The following SLC37A1 variants were observed in gnomAD, a reference collection of about 807,000 sequenced individuals.
SLC37A1 encodes the protein glucose-6-phosphate exchanger SLC37A1.
Under a neutral mutation model 75.3 loss-of-function variants are expected in SLC37A1, and 49 were observed. The ratio of observed to expected loss-of-function variants is 0.65; its 90% CI spans 0.52 to 0.83. SLC37A1 has a LOEUF of 0.83. SLC37A1 is among the 40% of genes least tolerant of loss of function. SLC37A1 has a pLI of 0.00. For synonymous variants in SLC37A1, 268 were observed against 292.1 expected, an observed-to-expected ratio of 0.92 and a Z score of 0.84; for missense variants, 566 against 695.0, an observed-to-expected ratio of 0.81 and a Z score of 2.09.
chr21:42,580,555 T>G lies in SLC37A1; in HGVS notation c.*195T>G, dbSNP rs2147084884. The G allele has an allele frequency of 1.6e-6, 1 of 623,684 alleles. No homozygotes were observed. Among genetic ancestry groups the G allele is most frequent in the East Asian group, 2.9e-5 (1 of 34,462 alleles). 38.6% of individuals were successfully genotyped at this position (623,684 alleles called of 1,614,324 possible). On this transcript the variant is annotated 3_prime_UTR_variant, in exon 20 of 20. Coordinates refer to ENST00000352133, the MANE Select transcript of SLC37A1 (RefSeq NM_001320537.2). ...AAGGAGACATATTGCTGAACAGCAGTGAGAAAAGTCTGCAGGAACTGCTGC... is the reference window on the plus strand; with the variant it reads ...AAGGAGACATATTGCTGAACAGCAGGGAGAAAAGTCTGCAGGAACTGCTGC...
chr21:42,510,805 A>C (rs1019463084), upstream of SLC37A1, among the ~76,000 whole-genome samples: 3 of 152,246 alleles, frequency 2.0e-5, no homozygotes, highest in African/African-American at 7.2e-5. Context: ...CATCAAGAGG[A>C]TATAACAATT....
intron 2 of SLC37A1, among the ~76,000 whole-genome samples, chr21:42,505,968 A>C (rs1365488631): frequency 4.6e-5 from 7 of 152,336 alleles, no homozygotes; most frequent in Middle Eastern, 3.4e-3. Flanking sequence ...GAGGAGAAGA[A>C]ACTGGAGCAC....
intron 2 of SLC37A1, among the ~76,000 whole-genome samples, chr21:42,506,715 A>G (rs1335034240): frequency 6.6e-6 from 1 of 152,164 alleles, no homozygotes; most frequent in Non-Finnish European, 1.5e-5. Context: ...TGACTTTCAC[A>G]GGGTCCCAAA....
chr21:42,537,097 C>T (rs954817462), intron 5 of SLC37A1, among the ~76,000 whole-genome samples: 12 of 152,244 alleles, frequency 7.9e-5, no homozygotes, highest in South Asian at 2.1e-4. Context: ...CCCCCTACCC[C>T]GCTCAGAGCC....
At position 42,548,741 on chromosome 21, in the gene SLC37A1, G is replaced by T. The variant is rs2055485170; in HGVS notation, c.768+1601G>T. Among the ~76,000 whole-genome samples, 1 of 152,188 alleles carries T rather than the reference G, an allele frequency of 6.6e-6. No homozygotes were observed. The highest frequency in any genetic ancestry group is 2.1e-4 in the South Asian group (1 of 4,832). Reference sequence around the variant, plus strand: ...GCACAACACAGTCCAGTGGCTCCATGTCGCCCCGTGTGAAATCCTCACCAG... The same window carrying T: ...GCACAACACAGTCCAGTGGCTCCATTTCGCCCCGTGTGAAATCCTCACCAG... On this transcript the variant is annotated intron_variant, in intron 9 of 19. Transcript: ENST00000352133. The surrounding 1 kb of genome is among the most constrained non-coding windows in gnomAD (Gnocchi z 5.6).
chr21:42,568,525 C>T (rs1323963351), intron 17 of SLC37A1, 87 bp downstream of exon 17: 1 of 1,291,646 alleles, frequency 7.7e-7, no homozygotes, highest in Non-Finnish European at 1.1e-6. Flanking sequence ...CCCAGGGTTC[C>T]AACTGCATCT....
intron 13 of SLC37A1, among the ~76,000 whole-genome samples, chr21:42,564,454 C>A (rs1333567562): frequency 6.6e-6 from 1 of 152,086 alleles, no homozygotes; most frequent in African/African-American, 2.4e-5. Flanking sequence ...ACCTTAGTAC[C>A]TTGATAGGTA....
chr21:42,534,140 C>CA (rs1455597136), intron 3 of SLC37A1, among the ~76,000 whole-genome samples: 4 of 152,194 alleles, frequency 2.6e-5, no homozygotes, highest in African/African-American at 9.7e-5. Flanking sequence ...CCGTGACTCT[C>CA]ACCTCTAGCC....
At chr21:42,565,977 T>A in intron 15 of SLC37A1, 102 bp downstream of exon 15, 3 of 1,218,886 alleles carry the variant, frequency 2.5e-6, no homozygotes, top group South Asian at 1.3e-5. Context: ...TGAGCTGGTT[T>A]AACTGGAGCA....
At chr21:42,580,318 C>T (rs554440741) in intron 19 of SLC37A1, 27 bp from the exon 20 acceptor site, 2 of 1,610,312 alleles carry the variant, frequency 1.2e-6, no homozygotes. Context: ...GCTGTTAGAG[C>T]AGCTCTTCTT....
intron 2 of SLC37A1, among the ~76,000 whole-genome samples, chr21:42,506,833 A>G (rs10483087): frequency 0.14 from 21,139 of 152,184 alleles, 1,677 homozygotes; most frequent in Non-Finnish European, 0.18. Context: ...CTGATACTCA[A>G]AAACATGATC....
At chr21:42,539,909 C>A (rs2055232687) in intron 6 of SLC37A1, among the ~76,000 whole-genome samples, 1 of 152,216 alleles carries the variant, frequency 6.6e-6, no homozygotes, top group African/African-American at 2.4e-5. Context: ...AACTGACATG[C>A]AGAGCCCTTG....
At chr21:42,530,894 CCACTTCTGTCTGCGAAGT>C (rs947813667) in intron 3 of SLC37A1, among the ~76,000 whole-genome samples, 1 of 152,180 alleles carries the variant, frequency 6.6e-6, no homozygotes, top group Non-Finnish European at 1.5e-5. Context: ...GAACCCAGGG[CCACTTCTGTCTGCGAAGT>C]GGCTCAAATT....
At chr21:42,574,475 A>G (rs1270114968) in intron 17 of SLC37A1, among the ~76,000 whole-genome samples, 2 of 152,124 alleles carry the variant, frequency 1.3e-5, no homozygotes, top group Admixed American at 1.3e-4. Context: ...AGAAGTGGTT[A>G]TGTCTTTTTA....
rs558858748 is a variant in SLC37A1, at chr21:42,502,531, A to G, written c.-179+114A>G. ...TGAGAAGATAAGCATTTTTCCCCAA[A>G]TGTTTATTCTTCACCTATGATAACC... On this transcript the variant is annotated intron_variant, in intron 2 of 20. Transcript: ENST00000398341. The G allele has an allele frequency of 6.6e-5, 10 of 152,308 alleles. No individual in the cohort carries two copies. The East Asian group carries it at 1.7e-3, about 26-fold the overall frequency. The allele number at this position is 152,308 out of a possible 1,614,324, so 9.4% of individuals were successfully genotyped here.
In SLC37A1 at chr21:42,547,098, TTCAGATCCGAACGACG is replaced by T; in HGVS notation, c.731_746del (p.His244ArgfsTer7). ...GCTCAGCCTCACTCATGTTTGCTCT[TTCAGATCCGAACGACG>T]TCAGGTGCTCCTCCACCCTGGTGAC... is the stretch of plus-strand genomic sequence containing the variant. On this transcript the variant is annotated splice_acceptor_variant and splice_polypyrimidine_tract_variant and coding_sequence_variant and intron_variant, in exon 9 of 20. Coordinates refer to ENST00000352133, the MANE Select transcript of SLC37A1 (RefSeq NM_001320537.2). LOFTEE classifies it high-confidence loss of function. The surrounding 1 kb of genome is among the most constrained non-coding windows in gnomAD (Gnocchi z 6.1). 6.2e-7 allele frequency: 1 copy of T among 1,614,186 alleles called. No individual in the cohort carries two copies. The highest frequency in any genetic ancestry group is 8.5e-7 in the Non-Finnish European group (1 of 1,180,024).
chr21:42,564,331 G>A (rs181682607), intron 13 of SLC37A1, among the ~76,000 whole-genome samples: 136 of 152,130 alleles, frequency 8.9e-4, no homozygotes, highest in African/African-American at 3.2e-3. Context: ...TGAGGCTGCA[G>A]TGAGCCATGA....
intron 3 of SLC37A1, among the ~76,000 whole-genome samples, chr21:42,532,880 C>T (rs1466182347): frequency 6.6e-6 from 1 of 152,212 alleles, no homozygotes. Flanking sequence ...AAGTAGAGCC[C>T]TTGGCTAGTT....
Position 42,580,341 on chromosome 21 carries a change from T to C in SLC37A1, c.1587-4T>C. ...AGCAGCTCTTCTTTCAACCTTTCTT[T>C]CAGATTTAAGGAACAGTGACACCCC... On this transcript the variant is annotated splice_polypyrimidine_tract_variant and splice_region_variant and intron_variant, in intron 19 of 19. Transcript: ENST00000352133. 1 of 1,612,872 alleles carries C rather than the reference T, an allele frequency of 6.2e-7. No homozygotes were observed. Among genetic ancestry groups the C allele is most frequent in the Non-Finnish European group, 8.5e-7 (1 of 1,179,624 alleles).
Sources: allele counts gnomAD v4.1 joint callset (sites outside exome capture counted in the v4.1 genomes callset), GRCh38; gene constraint gnomAD v4.1.1; non-coding constraint Gnocchi (gnomAD v3.1); transcripts MANE v1.5; gene names NCBI Gene and HGNC (gene_info 2026-07-23, HGNC 2026-07-21).